The following AVIL variants were observed in gnomAD, a reference collection of about 807,000 sequenced individuals.
AVIL encodes advillin.
In AVIL, 78 loss-of-function variants were observed where a neutral mutation model predicts 109.9. The observed-to-expected ratio is 0.71, with a 90% confidence interval of 0.59 to 0.86. The LOEUF (loss-of-function observed/expected upper bound fraction) is 0.86, where lower values mean the gene tolerates loss of function less well. AVIL is among the 40% of genes least tolerant of loss of function. The probability of loss-of-function intolerance (pLI) is 0.00; values close to 1 mark genes in which losing one functional copy is unlikely to be tolerated. For missense variants in AVIL, 892 were observed against 1,016.5 expected (o/e 0.88, Z 1.67); for synonymous variants, 367 against 379.1 (o/e 0.97, Z 0.37).
At chr12:57,813,814 G>A (rs556696330) in intron 3 of AVIL, among the ~76,000 whole-genome samples, 15 of 152,342 alleles carry the variant, frequency 9.8e-5, no homozygotes, top group African/African-American at 3.4e-4. Flanking sequence ...TCCTCCATGA[G>A]AATAGCACTT....
rs1390494049 is a variant in AVIL, at chr12:57,806,523, TTCCTGGAAG to T, written c.1499_1507del (p.Thr500_Arg502del). The T allele has an allele frequency of 6.2e-7, 1 of 1,614,182 alleles. No homozygotes were observed. Among genetic ancestry groups the T allele is most frequent in the East Asian group, 2.2e-5 (1 of 44,884 alleles). On this transcript the variant is annotated inframe_deletion, in exon 14 of 20. Coordinates refer to ENST00000549994, the MANE Select transcript of AVIL (RefSeq NM_006576.4). ...TGGAGGGTCAGGCTCGGCATTTCCC[TTCCTGGAAG>T]TCCCACCCTAGAGAGAAGAAAAGCA...
rs773491047 is a variant in AVIL at position 57,811,138 on chromosome 12, A to G, written c.339-11T>C. ...CCCCCCTGCTTGTAGCTAAGGGAACATCCATTCAGTTATTTGAGTGCCTGC... is the reference window on the plus strand; with the variant it reads ...CCCCCCTGCTTGTAGCTAAGGGAACGTCCATTCAGTTATTTGAGTGCCTGC... On this transcript the variant is annotated splice_polypyrimidine_tract_variant and intron_variant, in intron 4 of 19. Transcript: ENST00000549994. 1 of 1,613,412 alleles carries G rather than the reference A, an allele frequency of 6.2e-7. No individual in the cohort carries two copies. Among genetic ancestry groups the G allele is most frequent in the Non-Finnish European group, 8.5e-7 (1 of 1,179,430 alleles).
chr12:57,805,425 T>C (rs1271911719), intron 14 of AVIL, among the ~76,000 whole-genome samples: 1 of 152,212 alleles, frequency 6.6e-6, no homozygotes, highest in South Asian at 2.1e-4. Flanking sequence ...TCTGTATTAG[T>C]GCCTGTCTGT....
intron 15 of AVIL, 64 bp downstream of exon 15, chr12:57,803,460 T>A: frequency 6.2e-7 from 1 of 1,613,576 alleles, no homozygotes; most frequent in Non-Finnish European, 8.5e-7. Flanking sequence ...TTTTAGCCTT[T>A]GTGCAATTCA....
In AVIL at chr12:57,806,340, C is replaced by G; in HGVS notation, c.1671+20G>C. 2 of 1,613,550 alleles carry G rather than the reference C, an allele frequency of 1.2e-6. No homozygotes were observed. Among genetic ancestry groups the G allele is most frequent in the Non-Finnish European group, 8.5e-7 (1 of 1,179,778 alleles). ...CTGGGCTCCGAGGGGCTGGTCTGAC[C>G]CGGGGCCCAGCCATCCTACCTTGCC... On this transcript the variant is annotated intron_variant, in intron 14 of 19. Transcript: ENST00000549994.
intron 11 of AVIL, 70 bp downstream of exon 11, chr12:57,808,124 C>T (rs1955979653): frequency 2.0e-6 from 3 of 1,523,812 alleles, no homozygotes; most frequent in African/African-American, 1.4e-5. Context: ...ATCACCTGCA[C>T]CCCTGCCCCC....
chr12:57,802,074 G>A (rs949198158), intron 17 of AVIL, 86 bp downstream of exon 17: 7 of 1,453,934 alleles, frequency 4.8e-6, no homozygotes, highest in South Asian at 2.5e-5. Flanking sequence ...TCACTGAGCC[G>A]TGAATCAGTA....
intron 16 of AVIL, 151 bp downstream of exon 16, chr12:57,803,096 G>A (rs748205888): frequency 2.0e-6 from 2 of 1,014,110 alleles, no homozygotes; most frequent in Non-Finnish European, 2.8e-6. Context: ...AAAAACCCGG[G>A]CTTTCTTTTG....
chr12:57,808,859 T>G, intron 9 of AVIL: 1 of 344,174 alleles, frequency 2.9e-6, no homozygotes. Context: ...TGCTCATTTA[T>G]TGCTTCTGGC....
Position 57,813,173 on chromosome 12 carries a change from T to A in AVIL, c.338+54A>T, listed in dbSNP as rs933495737. ...TGATAATGCATGTTGGCCTTTTGGG[T>A]TTCCTCCTCTGTAAACTGCTGTTTC... is the stretch of plus-strand genomic sequence containing the variant. On this transcript the variant is annotated intron_variant, in intron 4 of 19. Coordinates refer to ENST00000549994, the MANE Select transcript of AVIL (RefSeq NM_006576.4). 64 of 1,538,192 alleles carry A rather than the reference T, an allele frequency of 4.2e-5. No homozygotes were observed. In the Middle Eastern group the frequency reaches 8.8e-4, roughly 21 times the overall value.
rs546923839 is a variant in AVIL at position 57,805,478 on chromosome 12, C to A, written c.1671+882G>T. On this transcript the variant is annotated intron_variant, in intron 14 of 19. Coordinates refer to ENST00000549994, the MANE Select transcript of AVIL (RefSeq NM_006576.4). ...ACATGGGAAGATTGACTTATCCAGCCTCCATCTGCATAGAAGTTTATGAGA... is the reference window on the plus strand; with the variant it reads ...ACATGGGAAGATTGACTTATCCAGCATCCATCTGCATAGAAGTTTATGAGA... Among the ~76,000 whole-genome samples, 6 of 151,980 alleles carry A rather than the reference C, an allele frequency of 3.9e-5. No individual in the cohort carries two copies. The South Asian group carries it at 1.2e-3, about 32-fold the overall frequency.
intron 5 of AVIL, 33 bp downstream of exon 5, chr12:57,810,986 C>T (rs1437594213): frequency 1.9e-6 from 3 of 1,613,966 alleles, no homozygotes; most frequent in Admixed American, 3.3e-5. Flanking sequence ...TGGAGAAGCC[C>T]CGGGCCTGGG....
intron 2 of AVIL, 161 bp from the exon 3 acceptor site, chr12:57,814,387 G>A (rs1279248959): frequency 1.2e-5 from 8 of 668,492 alleles, no homozygotes; most frequent in East Asian, 8.4e-5. Flanking sequence ...CAGGGTTAAC[G>A]TGGCCATCCC....
At chr12:57,813,080 T>G (rs1386501279) in intron 4 of AVIL, 147 bp downstream of exon 4, 1 of 1,031,634 alleles carries the variant, frequency 9.7e-7, no homozygotes, top group African/African-American at 1.6e-5. Context: ...TCCCAGCTGT[T>G]TAATCTGCTG....
chr12:57,810,986 C>G (rs1437594213), intron 5 of AVIL, 33 bp downstream of exon 5: 1 of 1,613,848 alleles, frequency 6.2e-7, no homozygotes, highest in Non-Finnish European at 8.5e-7. Context: ...TGGAGAAGCC[C>G]CGGGCCTGGG....
chr12:57,806,729 T>C (rs1041113376), intron 13 of AVIL, among the ~76,000 whole-genome samples, 190 bp from the exon 14 acceptor site: 9 of 152,242 alleles, frequency 5.9e-5, no homozygotes, highest in African/African-American at 2.2e-4. Context: ...CTGAGAACTT[T>C]ATCATATTCC....
At chr12:57,814,981 C>T (rs1956082660) in intron 2 of AVIL, 1 of 152,312 alleles carries the variant, frequency 6.6e-6, no homozygotes, top group African/African-American at 2.4e-5. Flanking sequence ...GAGAGGGAGT[C>T]TCCCTGTGTC....
intron 18 of AVIL, 135 bp from the exon 19 acceptor site, chr12:57,800,055 T>C: frequency 1.7e-6 from 2 of 1,178,466 alleles, no homozygotes; most frequent in Non-Finnish European, 2.4e-6. Context: ...ATAACAATGC[T>C]CCCCAAACCT....
intron 2 of AVIL, chr12:57,815,612 G>A (rs914706832): frequency 1.5e-6 from 2 of 1,295,464 alleles, no homozygotes; most frequent in African/African-American, 1.5e-5. Flanking sequence ...AGGGTGCCCC[G>A]TGGAAGACAT....
Sources: allele counts gnomAD v4.1 joint callset (sites outside exome capture counted in the v4.1 genomes callset), GRCh38; gene constraint gnomAD v4.1.1; transcripts MANE v1.5; gene names NCBI Gene and HGNC (gene_info 2026-07-23, HGNC 2026-07-21).